The following STARD13 variants were observed in gnomAD, a reference collection of about 807,000 sequenced individuals.
The protein encoded by STARD13 is stAR-related lipid transfer protein 13.
In STARD13, 62 loss-of-function variants were observed where a neutral mutation model predicts 106.4. The observed-to-expected ratio is 0.58, with a 90% CI of 0.48 to 0.72. The LOEUF (loss-of-function observed/expected upper bound fraction) is 0.72, where lower values mean the gene tolerates loss of function less well. Among genes scored for constraint, STARD13 ranks in the 30% least tolerant of loss-of-function variants. The pLI, the probability that STARD13 is intolerant of heterozygous loss-of-function variation, is 0.00. For missense variants in STARD13, 1,387 were observed against 1,424.0 expected (o/e 0.97, Z 0.42); for synonymous variants, 565 against 553.0 (o/e 1.02, Z -0.31).
the STARD13 span, among the ~76,000 whole-genome samples, chr13:33,467,928 C>G: frequency 6.6e-6 from 1 of 152,174 alleles, no homozygotes; most frequent in South Asian, 2.1e-4. Context: ...TTGGGAAATT[C>G]TTATAAGTAA....
At chr13:33,285,801 C>G (rs908973827), upstream of STARD13, 1 of 1,422,952 alleles carries the variant, frequency 7.0e-7, no homozygotes, top group African/African-American at 1.4e-5. Context: ...ATTCCAACCC[C>G]CGGGGCCCTC....
At chr13:33,516,943 A>G in the STARD13 span, among the ~76,000 whole-genome samples, 2 of 41,488 alleles carry the variant, frequency 4.8e-5, no homozygotes, top group Non-Finnish European at 8.9e-5. Flanking sequence ...CTTGTCTCAG[A>G]AAAAAAAAAA....
At chr13:33,328,774 A>G (rs748966365) in intron 1 of STARD13, among the ~76,000 whole-genome samples, 1 of 152,248 alleles carries the variant, frequency 6.6e-6, no homozygotes, top group African/African-American at 2.4e-5. Context: ...GGAGGTAGGC[A>G]TCAAATTCAG....
At chr13:33,264,617 T>C (rs1594186696) in intron 1 of STARD13, among the ~76,000 whole-genome samples, 1 of 152,138 alleles carries the variant, frequency 6.6e-6, no homozygotes, top group Non-Finnish European at 1.5e-5. Flanking sequence ...AAAGAGAGAA[T>C]TGCATTGACA....
At chr13:33,300,109 T>C (rs1032413289) in intron 1 of STARD13, among the ~76,000 whole-genome samples, 2 of 152,224 alleles carry the variant, frequency 1.3e-5, no homozygotes, top group African/African-American at 4.8e-5. Context: ...GCTCTGTTAT[T>C]TATTTATTAA....
At chr13:33,255,105 C>CAG (rs984680385) in intron 1 of STARD13, among the ~76,000 whole-genome samples, 1 of 141,118 alleles carries the variant, frequency 7.1e-6, no homozygotes, top group Non-Finnish European at 1.6e-5. Context: ...TGCTCCCCCC[C>CAG]CCCTCAGAGG....
chr13:33,228,399 CA>C (rs1888728362), intron 1 of STARD13, among the ~76,000 whole-genome samples: 2 of 151,730 alleles, frequency 1.3e-5, no homozygotes, highest in Non-Finnish European at 2.9e-5. Context: ...TCATAAAAAT[CA>C]TTGATAAAAA....
intron 1 of STARD13, among the ~76,000 whole-genome samples, chr13:33,301,776 G>A (rs1039948566): frequency 1.3e-5 from 2 of 151,866 alleles, no homozygotes; most frequent in Admixed American, 6.6e-5. Flanking sequence ...CACCGTGTTA[G>A]CCAGGATGGT....
chr13:33,244,434 A>T (rs976231936), intron 1 of STARD13, among the ~76,000 whole-genome samples: 4 of 152,014 alleles, frequency 2.6e-5, no homozygotes, highest in African/African-American at 9.7e-5. Flanking sequence ...CCTCTAGCAG[A>T]CTTTTTACAT....
At chr13:33,318,828 G>A (rs1295172000) in intron 1 of STARD13, among the ~76,000 whole-genome samples, 5 of 152,150 alleles carry the variant, frequency 3.3e-5, no homozygotes, top group Non-Finnish European at 4.4e-5. Flanking sequence ...TAGTCATTAA[G>A]AGTATGCATG....
In STARD13 at chr13:33,112,813, C is replaced by T. The variant is rs1874808330; in HGVS notation, c.2400G>A (p.Val800=). The T allele has an allele frequency of 1.2e-6, 2 of 1,613,846 alleles. No individual in the cohort carries two copies. The highest frequency in any genetic ancestry group is 2.7e-5 in the African/African-American group (2 of 74,944). The change falls in exon 9 of 14, where the codon GTG becomes GTA. Residue 800 remains valine (V), a synonymous_variant. Coordinates refer to ENST00000336934, the MANE Select transcript of STARD13 (RefSeq NM_178006.4). The part of the protein sequence containing the change: ...LCFLNDVVNL[V]EENQMTPMNL... The stretch of plus-strand genomic sequence containing the variant: ...TCATGGGCGTCATCTGATTCTCTTC[C>T]ACCAAGTTGACGACGTCGTTCAGGA...
chr13:33,666,940 A>G, the STARD13 span, among the ~76,000 whole-genome samples: 6 of 152,212 alleles, frequency 3.9e-5, no homozygotes, highest in Non-Finnish European at 8.8e-5. Context: ...GGATGAATAG[A>G]TGGATAAATT....
chr13:33,391,176 A>G, the STARD13 span, among the ~76,000 whole-genome samples: 4 of 152,190 alleles, frequency 2.6e-5, no homozygotes, highest in Non-Finnish European at 5.9e-5. Context: ...CATCTTAAGA[A>G]ATGGAAAACA....
At chr13:33,513,150 C>G in the STARD13 span, among the ~76,000 whole-genome samples, 1 of 152,154 alleles carries the variant, frequency 6.6e-6, no homozygotes, top group African/African-American at 2.4e-5. Flanking sequence ...AATGTGCTGA[C>G]TGTTGACTTA....
chr13:33,486,784 A>G, the STARD13 span, among the ~76,000 whole-genome samples: 1 of 152,194 alleles, frequency 6.6e-6, no homozygotes, highest in African/African-American at 2.4e-5. Context: ...TTGCCTGCAG[A>G]AAGAAAAGCA....
At chr13:33,386,436 ATG>A in the STARD13 span, among the ~76,000 whole-genome samples, 1 of 152,074 alleles carries the variant, frequency 6.6e-6, no homozygotes, top group African/African-American at 2.4e-5. Flanking sequence ...CCCTCCAGGT[ATG>A]GTAAATTCCC....
intron 1 of STARD13, among the ~76,000 whole-genome samples, chr13:33,179,002 G>A (rs141678829): frequency 6.6e-6 from 1 of 152,272 alleles, no homozygotes; most frequent in East Asian, 1.9e-4. Flanking sequence ...GACTACTTTT[G>A]TACAGGGTTC....
At chr13:33,300,792 G>A (rs1023339805) in intron 1 of STARD13, among the ~76,000 whole-genome samples, 18 of 152,104 alleles carry the variant, frequency 1.2e-4, no homozygotes, top group Non-Finnish European at 2.9e-5. Context: ...AAAAGGGCCC[G>A]CAGGTCCCTA....
intron 1 of STARD13, among the ~76,000 whole-genome samples, chr13:33,202,696 T>C (rs1451251840): frequency 1.3e-5 from 2 of 152,126 alleles, no homozygotes. Context: ...ATGCTTAAGG[T>C]AGCTTTGGAG....
Sources: allele counts gnomAD v4.1 joint callset (sites outside exome capture counted in the v4.1 genomes callset), GRCh38; gene constraint gnomAD v4.1.1; transcripts MANE v1.5; gene names NCBI Gene and HGNC (gene_info 2026-07-23, HGNC 2026-07-21).